Variants in COL5A1 observed in about 807,000 individuals in gnomAD.
COL5A1 encodes the protein collagen type V alpha 1 chain, also known as collagen alpha-1(V) chain.
Under a neutral mutation model 263.7 loss-of-function variants are expected in COL5A1, and 16 were observed. The observed-to-expected ratio is 0.06, with a 90% confidence interval of 0.04 to 0.09. COL5A1 has a LOEUF of 0.09. Ranked by LOEUF, COL5A1 falls within the 10% of genes least tolerant of loss-of-function variation. COL5A1 has a pLI of 1.00. For missense variants in COL5A1, 2,036 were observed against 2,540.5 expected, an observed-to-expected ratio of 0.80 and a Z score of 4.27; for synonymous variants, 1,012 against 1,004.5, an observed-to-expected ratio of 1.01 and a Z score of -0.14.
intron 65 of COL5A1, among the ~76,000 whole-genome samples, chr9:134,836,827 C>T (rs1011413497): frequency 1.3e-5 from 2 of 152,232 alleles, no homozygotes; most frequent in African/African-American, 2.4e-5. Flanking sequence ...CAGCGGGGGC[C>T]GCCCTCACCA....
chr9:134,723,756 C>T (rs111853098), intron 4 of COL5A1, among the ~76,000 whole-genome samples: 1,619 of 152,230 alleles, frequency 0.011, 29 homozygotes, highest in African/African-American at 0.037. Flanking sequence ...ACAGTAGTGC[C>T]GAGAAAGGTG....
At position 134,642,939 on chromosome 9, in the gene COL5A1, T is replaced by C. The variant is rs1347634594; in HGVS notation, c.109+643T>C. On this transcript the variant is annotated intron_variant, in intron 1 of 65. Coordinates refer to ENST00000371817, the MANE Select transcript of COL5A1 (RefSeq NM_000093.5). This position sits in a 1 kb window ranked among gnomAD's most constrained non-coding sequence, Gnocchi z 4.5. Reference sequence around the variant, plus strand: ...CTAATCCCACCCCCAAACTTCTTGATCCCTGGAAGGCAGCTTTTCCTGGAT... The same window carrying C: ...CTAATCCCACCCCCAAACTTCTTGACCCCTGGAAGGCAGCTTTTCCTGGAT... 2.0e-5 allele frequency among the ~76,000 whole-genome samples: 3 copies of C among 152,198 alleles called. No individual in the cohort carries two copies. Among genetic ancestry groups the C allele is most frequent in the African/African-American group, 7.2e-5 (3 of 41,454 alleles).
intron 58 of COL5A1, among the ~76,000 whole-genome samples, chr9:134,820,480 C>T (rs1185759216): frequency 4.6e-5 from 7 of 152,174 alleles, no homozygotes; most frequent in Non-Finnish European, 7.3e-5. Flanking sequence ...CGTGGTGTCC[C>T]CCAGAGCTGG....
intron 18 of COL5A1, among the ~76,000 whole-genome samples, chr9:134,760,985 A>T (rs1836403435): frequency 7.3e-6 from 1 of 137,538 alleles, no homozygotes; most frequent in African/African-American, 3.1e-5. Context: ...TACCACCCCG[A>T]TACACACATA....
At chr9:134,738,336 T>A in intron 9 of COL5A1, 138 bp from the exon 10 acceptor site, 1 of 901,774 alleles carries the variant, frequency 1.1e-6, no homozygotes, top group South Asian at 1.5e-5. Context: ...TTGCAGTCTG[T>A]GCTCGTGACT....
rs558096307 is a variant in COL5A1 at position 134,699,136 on chromosome 9, G to T, written c.278-773G>T. ...CCTTTGCCACCAGGATCGATGGACA[G>T]GAGGGGCTGGGGCTCCCGGTCATGC... is the stretch of plus-strand genomic sequence containing the variant. On this transcript the variant is annotated intron_variant, in intron 2 of 65. Transcript: ENST00000371817. Among the ~76,000 whole-genome samples, 6 of 152,332 alleles carry T rather than the reference G, an allele frequency of 3.9e-5. No homozygotes were observed. The South Asian group carries it at 1.2e-3, about 32-fold the overall frequency.
chr9:134,817,711 C>T (rs973584202), intron 53 of COL5A1, 67 bp from the exon 54 acceptor site: 1 of 1,461,530 alleles, frequency 6.8e-7, no homozygotes, highest in Non-Finnish European at 9.5e-7. Context: ...TGAGCGCCTG[C>T]ACCCGAGCTC....
intron 1 of COL5A1, among the ~76,000 whole-genome samples, chr9:134,648,652 G>A (rs565815758): frequency 1.7e-4 from 26 of 152,192 alleles, no homozygotes; most frequent in Non-Finnish European, 2.9e-4. Context: ...CTTGCCACCA[G>A]GGGCCCCAGT....
At chr9:134,685,940 A>AT (rs1564387130) in intron 1 of COL5A1, among the ~76,000 whole-genome samples, 1 of 146,190 alleles carries the variant, frequency 6.8e-6, no homozygotes, top group Admixed American at 6.8e-5. Context: ...CCATCCATCC[A>AT]CCATCCATCC....
At chr9:134,823,113 AC>A in intron 60 of COL5A1, 80 bp downstream of exon 60, 1 of 1,476,956 alleles carries the variant, frequency 6.8e-7, no homozygotes, top group Non-Finnish European at 9.4e-7. Context: ...GGAACAAACT[AC>A]CCAGACAACC....
At chr9:134,774,979 G>C in intron 27 of COL5A1, 67 bp downstream of exon 27, 1 of 1,474,312 alleles carries the variant, frequency 6.8e-7, no homozygotes, top group Non-Finnish European at 9.4e-7. Flanking sequence ...GCCTTGGCGT[G>C]GCTGGTTTTA....
intron 32 of COL5A1, among the ~76,000 whole-genome samples, chr9:134,791,267 A>T (rs999182664): frequency 6.6e-6 from 1 of 151,680 alleles, no homozygotes; most frequent in Non-Finnish European, 1.5e-5. Context: ...CACAACCCAC[A>T]ACACAGACCT....
chr9:134,667,243 T>C (rs1281982124), intron 1 of COL5A1, among the ~76,000 whole-genome samples: 1 of 152,194 alleles, frequency 6.6e-6, no homozygotes, highest in East Asian at 1.9e-4. Context: ...TTGTACCTTA[T>C]TCACAATTGG....
At chr9:134,795,015 G>A in intron 32 of COL5A1, 67 bp from the exon 33 acceptor site, 1 of 1,558,374 alleles carries the variant, frequency 6.4e-7, no homozygotes, top group Non-Finnish European at 8.8e-7. Flanking sequence ...TAACCCGGGA[G>A]ACAGCTGCCA....
intron 26 of COL5A1, among the ~76,000 whole-genome samples, chr9:134,774,255 A>G (rs968126522): frequency 1.3e-5 from 2 of 152,210 alleles, no homozygotes; most frequent in African/African-American, 4.8e-5. Flanking sequence ...GAGGCCACCA[A>G]GCCCATCCTG....
At chr9:134,800,511 G>A (rs1366905257) in intron 37 of COL5A1, among the ~76,000 whole-genome samples, 2 of 152,298 alleles carry the variant, frequency 1.3e-5, no homozygotes, top group African/African-American at 4.8e-5. Context: ...TTGGGAGGCC[G>A]AGATGGGCGG....
Position 134,796,166 on chromosome 9 carries a change from G to A in COL5A1, c.2800-208G>A, listed in dbSNP as rs143789621. On this transcript the variant is annotated intron_variant, in intron 34 of 65. Transcript: ENST00000371817. ...CAGCCTTGTAGACACTGGGCTGTCA[G>A]CTGCATGCAGAGGCACGGGGACAGG... Among the ~76,000 whole-genome samples the A allele has an allele frequency of 1.8e-3, 272 of 152,362 alleles. 1 individual carries two copies. Among genetic ancestry groups the A allele is most frequent in the African/African-American group, 5.9e-3 (247 of 41,586 alleles).
Position 134,818,777 on chromosome 9 carries a change from GA to G in COL5A1, c.4338+15del, listed in dbSNP as rs768052050. 6.2e-7 allele frequency: 1 copy of G among 1,612,504 alleles called. No individual in the cohort carries two copies. The highest frequency in any genetic ancestry group is 1.1e-5 in the South Asian group (1 of 91,042). On this transcript the variant is annotated intron_variant, in intron 55 of 65. Coordinates refer to ENST00000371817, the MANE Select transcript of COL5A1 (RefSeq NM_000093.5). This position sits in a 1 kb window ranked among gnomAD's most constrained non-coding sequence, Gnocchi z 6.0. ...CCTGGCCCTGTGGTGAGTAGGCTGTGAGGGGCAGAGGGGTTGCCGAGTGGAG... is the reference window on the plus strand; with the variant it reads ...CCTGGCCCTGTGGTGAGTAGGCTGTGGGGGCAGAGGGGTTGCCGAGTGGAG...
At chr9:134,724,511 A>G (rs1163024086) in intron 4 of COL5A1, among the ~76,000 whole-genome samples, 1 of 152,070 alleles carries the variant, frequency 6.6e-6, no homozygotes, top group African/African-American at 2.4e-5. Context: ...AGTGGTTGTG[A>G]TGCTCCCACC....
Sources: gnomAD v4.1 joint callset for allele counts (sites outside exome capture counted in the v4.1 genomes callset) on GRCh38, gnomAD v4.1.1 for gene constraint, Gnocchi (gnomAD v3.1) non-coding constraint, MANE v1.5 for transcripts, NCBI Gene and HGNC (gene_info 2026-07-23, HGNC 2026-07-21) for gene names.